Variants in PTPRD observed in about 807,000 individuals in gnomAD.
The protein encoded by PTPRD is protein tyrosine phosphatase receptor type D, also known as receptor-type tyrosine-protein phosphatase delta.
PTPRD carries 34 observed loss-of-function variants against 214.5 expected under a neutral mutation model. That is an observed-to-expected ratio of 0.16 (90% CI 0.12 to 0.21). PTPRD has a LOEUF of 0.21. Among genes scored for constraint, PTPRD ranks in the 10% least tolerant of loss-of-function variants. PTPRD has a pLI of 1.00. For synonymous variants in PTPRD, 1,128 were observed against 845.7 expected (o/e 1.33, Z -5.79); for missense variants, 2,545 against 2,398.7 (o/e 1.06, Z -1.27).
At chr9:9,511,248 T>C (rs183781572) in intron 8 of PTPRD, among the ~76,000 whole-genome samples, 61 of 151,808 alleles carry the variant, frequency 4.0e-4, no homozygotes, top group African/African-American at 1.4e-3. Context: ...TCATCCTCTA[T>C]GGTAAAGAGT....
intron 5 of PTPRD, among the ~76,000 whole-genome samples, chr9:9,779,977 T>C (rs552002622): frequency 2.0e-5 from 3 of 152,320 alleles, no homozygotes; most frequent in South Asian, 2.1e-4. Flanking sequence ...CATTGTGTCA[T>C]TCATCATAGC....
chr9:10,353,956 T>C (rs1220862502), intron 2 of PTPRD, among the ~76,000 whole-genome samples: 1 of 152,014 alleles, frequency 6.6e-6, no homozygotes, highest in Non-Finnish European at 1.5e-5. Flanking sequence ...TTTTTACTTA[T>C]TAAATAACTG....
intron 3 of PTPRD, among the ~76,000 whole-genome samples, chr9:10,275,942 G>T (rs1470754881): frequency 6.6e-6 from 1 of 152,154 alleles, no homozygotes; most frequent in Non-Finnish European, 1.5e-5. Context: ...AATTCTGAAT[G>T]AGTGACTCAT....
At chr9:9,388,075 C>A (rs1283610627) in intron 9 of PTPRD, among the ~76,000 whole-genome samples, 2 of 152,080 alleles carry the variant, frequency 1.3e-5, no homozygotes, top group Non-Finnish European at 1.5e-5. Context: ...GAAATTAGTG[C>A]AAGGTTTTAT....
At chr9:9,311,758 C>A (rs1959077373) in intron 9 of PTPRD, among the ~76,000 whole-genome samples, 1 of 152,128 alleles carries the variant, frequency 6.6e-6, no homozygotes, top group South Asian at 2.1e-4. Context: ...AAATAGAATA[C>A]AGAATCACTC....
chr9:9,401,787 TAGTG>T (rs935510310), intron 8 of PTPRD, among the ~76,000 whole-genome samples: 3 of 151,992 alleles, frequency 2.0e-5, no homozygotes, highest in South Asian at 2.1e-4. Context: ...GTTCTCCTGA[TAGTG>T]AGTGAGTTCT....
At chr9:8,615,582 T>C (rs1036590363) in intron 14 of PTPRD, among the ~76,000 whole-genome samples, 1 of 152,070 alleles carries the variant, frequency 6.6e-6, no homozygotes, top group African/African-American at 2.4e-5. Flanking sequence ...CTAGCTAGCC[T>C]CAAGGGTAAA....
chr9:10,378,541 C>A (rs1379037102), intron 2 of PTPRD, among the ~76,000 whole-genome samples: 1 of 151,862 alleles, frequency 6.6e-6, no homozygotes, highest in Non-Finnish European at 1.5e-5. Context: ...ATGTGAATAC[C>A]CAGTTTTCCA....
chr9:9,774,163 G>C (rs527516509), intron 5 of PTPRD, among the ~76,000 whole-genome samples: 1 of 152,116 alleles, frequency 6.6e-6, no homozygotes, highest in African/African-American at 2.4e-5. Context: ...AGTGTGCCCC[G>C]CAGCTAGAAA....
At chr9:10,347,000 T>A (rs1006354136) in intron 2 of PTPRD, among the ~76,000 whole-genome samples, 1 of 152,208 alleles carries the variant, frequency 6.6e-6, no homozygotes, top group Admixed American at 6.5e-5. Context: ...TACTTTTATC[T>A]TTCAGGTGGC....
chr9:10,599,690 C>T (rs1305626350), intron 2 of PTPRD, among the ~76,000 whole-genome samples: 1 of 151,750 alleles, frequency 6.6e-6, no homozygotes, highest in Non-Finnish European at 1.5e-5. Context: ...TGTTAAGTTA[C>T]TTAATCAGAA....
intron 9 of PTPRD, among the ~76,000 whole-genome samples, chr9:9,347,513 T>C (rs990020677): frequency 5.9e-5 from 9 of 152,196 alleles, no homozygotes; most frequent in South Asian, 2.1e-4. Flanking sequence ...CCTTACTATA[T>C]ACAGGTGATG....
rs756198808 is a variant in PTPRD, at chr9:8,340,430, T to A, written c.5166A>T (p.Ala1722=). ...KAYIATQGPL[A]ETTEDFWRML... The stretch of plus-strand genomic sequence containing the variant: ...TCCGCCAGAAGTCTTCAGTGGTCTC[T>A]GCCAAGGGCCCCTGGGTAGCGATGT... Residue 1722 remains alanine, a synonymous_variant, in exon 42 of 46, where the codon GCA becomes GCT. Coordinates refer to ENST00000381196, the MANE Select transcript of PTPRD (RefSeq NM_002839.4). 1 of 1,608,456 alleles carries A rather than the reference T, an allele frequency of 6.2e-7. No individual in the cohort carries two copies. Among genetic ancestry groups the A allele is most frequent in the Non-Finnish European group, 8.5e-7 (1 of 1,176,006 alleles).
At chr9:10,316,258 A>G (rs1041987409) in intron 3 of PTPRD, among the ~76,000 whole-genome samples, 2 of 151,140 alleles carry the variant, frequency 1.3e-5, no homozygotes, top group African/African-American at 4.8e-5. Context: ...AGAAAAGTAT[A>G]CTATTCCCAA....
intron 42 of PTPRD, among the ~76,000 whole-genome samples, 175 bp downstream of exon 42, chr9:8,340,168 C>A (rs4742483): frequency 0.55 from 83,226 of 152,044 alleles, 23,889 homozygotes; most frequent in Non-Finnish European, 0.65. Flanking sequence ...TAAATTTAAA[C>A]ACTTGATGTG....
intron 5 of PTPRD, among the ~76,000 whole-genome samples, chr9:9,902,938 G>A (rs1191424558): frequency 6.6e-6 from 1 of 152,074 alleles, no homozygotes; most frequent in East Asian, 1.9e-4. Context: ...GGCTAACAGT[G>A]AAAATAAAAC....
At chr9:9,475,565 C>T (rs1343864611) in intron 8 of PTPRD, among the ~76,000 whole-genome samples, 2 of 152,146 alleles carry the variant, frequency 1.3e-5, no homozygotes, top group African/African-American at 2.4e-5. Flanking sequence ...GGACTCAAAA[C>T]TCTCTTTTTT....
chr9:8,538,188 T>C (rs1206444238), intron 14 of PTPRD, among the ~76,000 whole-genome samples: 2 of 152,062 alleles, frequency 1.3e-5, no homozygotes, highest in Non-Finnish European at 2.9e-5. Flanking sequence ...GGTGTCATTA[T>C]ACTCACCCTT....
chr9:8,510,406 G>A (rs544681817), intron 21 of PTPRD, among the ~76,000 whole-genome samples: 6 of 152,306 alleles, frequency 3.9e-5, no homozygotes, highest in Middle Eastern at 3.4e-3. Context: ...CCTGGGGCCC[G>A]GTGGAGAGTG....
Sources: gnomAD v4.1 joint callset for allele counts (sites outside exome capture counted in the v4.1 genomes callset) on GRCh38, gnomAD v4.1.1 for gene constraint, MANE v1.5 for transcripts, NCBI Gene and HGNC (gene_info 2026-07-23, HGNC 2026-07-21) for gene names.